The following AEBP1 variants were observed in gnomAD, a reference collection of about 807,000 sequenced individuals.
The protein encoded by AEBP1 is AE binding protein 1.
In AEBP1, 69 loss-of-function variants were observed where a neutral mutation model predicts 116.5. That is an observed-to-expected ratio of 0.59 (90% CI 0.49 to 0.72). The LOEUF is 0.72. Ranked by LOEUF, AEBP1 falls within the 30% of genes least tolerant of loss-of-function variation. The pLI is 0.00. For synonymous variants in AEBP1, 627 were observed against 627.3 expected, an observed-to-expected ratio of 1.00 and a Z score of 0.01; for missense variants, 1,444 against 1,557.5, an observed-to-expected ratio of 0.93 and a Z score of 1.23.
chr7:44,106,601 C>T lies in AEBP1; in HGVS notation c.309C>T (p.Pro103=). The T allele has an allele frequency of 6.2e-7, 1 of 1,611,610 alleles. No homozygotes were observed. The highest frequency in any genetic ancestry group is 1.7e-4 in the Middle Eastern group (1 of 6,050). The change falls in exon 2 of 21, where the codon CCC becomes CCT. Residue 103 remains proline (P), a synonymous_variant. Coordinates refer to ENST00000223357, the MANE Select transcript of AEBP1 (RefSeq NM_001129.5). Reference sequence around the variant, plus strand: ...AGAAAGGCAAGAAAGACAAAGGCCCCAAGGTGCCCAAGGAGTCCTTGGAGG... The same window carrying T: ...AGAAAGGCAAGAAAGACAAAGGCCCTAAGGTGCCCAAGGAGTCCTTGGAGG... ...KGKKGKKDKG[P]KVPKESLEGS...
Position 44,107,709 on chromosome 7 carries a change from G to A in AEBP1, c.739+9G>A. On this transcript the variant is annotated intron_variant, in intron 4 of 20. Transcript: ENST00000223357. The surrounding 1 kb of genome is among the most constrained non-coding windows in gnomAD (Gnocchi z 4.3). Reference sequence around the variant, plus strand: ...GGAGGACTATGAGGACTGTGAGTAGGGTCCTGCCAGCCCCACCTGGGTCGG... The same window carrying A: ...GGAGGACTATGAGGACTGTGAGTAGAGTCCTGCCAGCCCCACCTGGGTCGG... 1.2e-6 allele frequency: 2 copies of A among 1,613,412 alleles called. No homozygotes were observed. Among genetic ancestry groups the A allele is most frequent in the East Asian group, 4.5e-5 (2 of 44,844 alleles).
chr7:44,109,090 T>C lies in AEBP1; in HGVS notation c.1019-17T>C. 1.2e-6 allele frequency: 2 copies of C among 1,613,342 alleles called. No individual in the cohort carries two copies. ...CAGAGCCAGGCTGACTGGCCCCTCC[T>C]ACCTTGCACCTTCCAGAGAAACCCA... On this transcript the variant is annotated splice_polypyrimidine_tract_variant and intron_variant, in intron 7 of 20. Transcript: ENST00000223357.
rs1583555010 is a variant in AEBP1, at chr7:44,112,520, A to G, written c.2218-38A>G. On this transcript the variant is annotated intron_variant, in intron 17 of 20. Transcript: ENST00000223357. This position sits in a 1 kb window ranked among gnomAD's most constrained non-coding sequence, Gnocchi z 6.6. ...GGGCTAGGTTGGGGATAGTGGCCGGAGCTGCAGCCCTGGCCTCACACGTGC... is the reference window on the plus strand; with the variant it reads ...GGGCTAGGTTGGGGATAGTGGCCGGGGCTGCAGCCCTGGCCTCACACGTGC... 2 of 1,523,768 alleles carry G rather than the reference A, an allele frequency of 1.3e-6. No homozygotes were observed. The highest frequency in any genetic ancestry group is 1.3e-5 in the South Asian group (1 of 79,484). The allele number at this position is 1,523,768 out of a possible 1,614,324, so 94.4% of individuals were successfully genotyped here. A position where few individuals can be genotyped will look rare whatever the true frequency, so the allele number is the denominator to read the frequency against.
At position 44,108,520 on chromosome 7, in the gene AEBP1, C is replaced by A. The variant is rs1019546513; in HGVS notation, c.941-379C>A. On this transcript the variant is annotated intron_variant, in intron 6 of 20. Transcript: ENST00000223357. This position sits in a 1 kb window ranked among gnomAD's most constrained non-coding sequence, Gnocchi z 5.0. Reference sequence around the variant, plus strand: ...GGTTCCCTTTCCTCCTGGGTGGCAGCCCGTGCATCGCCATTTCCCTGCCCC... The same window carrying A: ...GGTTCCCTTTCCTCCTGGGTGGCAGACCGTGCATCGCCATTTCCCTGCCCC... 6.6e-6 allele frequency among the ~76,000 whole-genome samples: 1 copy of A among 152,110 alleles called. No individual in the cohort carries two copies. Among genetic ancestry groups the A allele is most frequent in the African/African-American group, 2.4e-5 (1 of 41,424 alleles).
chr7:44,104,744 A>T lies in AEBP1; in HGVS notation c.79A>T (p.Thr27Ser), dbSNP rs564360927. The change falls in exon 1 of 21, where the codon ACG becomes TCG. Residue 27 changes from threonine (T) to serine (S), a missense_variant. Physicochemically the swap from Thr to Ser is moderately conservative, Grantham distance 58 (BLOSUM62 1). Transcript: ENST00000223357. ...LALCPGGRPQTVLTDDEIEEF... is the reference protein window; with the variant it reads ...LALCPGGRPQSVLTDDEIEEF... ...CCTGTGCCCTGGAGGGCGCCCGCAG[A>T]CGGTGCTGACCGACGACGAGATCGA... 4 of 1,611,276 alleles carry T rather than the reference A, an allele frequency of 2.5e-6. No individual in the cohort carries two copies. The African/African-American group carries it at 4.0e-5, about 16-fold the overall frequency.
chr7:44,107,078 G>T lies in AEBP1; in HGVS notation c.595+191G>T, dbSNP rs907116491. ...CCCTCAGTGCTGTAGCCTCTTTTGG[G>T]TAGGGAGAGGGCTTGGCAGCCTTTT... is the stretch of plus-strand genomic sequence containing the variant. On this transcript the variant is annotated intron_variant, in intron 2 of 20. Transcript: ENST00000223357. This position sits in a 1 kb window ranked among gnomAD's most constrained non-coding sequence, Gnocchi z 4.3. 6.6e-6 allele frequency among the ~76,000 whole-genome samples: 1 copy of T among 152,246 alleles called. No homozygotes were observed. The highest frequency in any genetic ancestry group is 2.4e-5 in the African/African-American group (1 of 41,468).
rs760520066 is a variant in AEBP1, at chr7:44,109,293, C to G, written c.1102C>G (p.Arg368Gly). The G allele has an allele frequency of 4.4e-6, 7 of 1,605,180 alleles. No individual in the cohort carries two copies. The South Asian group carries it at 7.7e-5, about 18-fold the overall frequency. The change falls in exon 9 of 21, where the codon CGA becomes GGA. Residue 368 changes from arginine (R) to glycine (G), a missense_variant. Physicochemically the swap from Arg to Gly is moderately radical, Grantham distance 125 (BLOSUM62 -2). Transcript: ENST00000223357. ...VEKGKDHKEP[R>G]KGEELEEEWT... ...CCTCCCTTCATTGTCCCTAGAGCCCCGAAAGGGCGAGGAGTTGGAGGAGGA... is the reference window on the plus strand; with the variant it reads ...CCTCCCTTCATTGTCCCTAGAGCCCGGAAAGGGCGAGGAGTTGGAGGAGGA...
Position 44,113,804 on chromosome 7 carries a change from C to T in AEBP1, c.3020C>T (p.Pro1007Leu), listed in dbSNP as rs2096233070. 2 of 1,614,070 alleles carry T rather than the reference C, an allele frequency of 1.2e-6. No homozygotes were observed. Among genetic ancestry groups the T allele is most frequent in the South Asian group, 1.1e-5 (1 of 91,086 alleles). The change falls in exon 21 of 21, where the codon CCA (proline) becomes CTA (leucine). Residue 1007 changes from proline (P) to leucine (L), a missense_variant. Pro to Leu is a moderately conservative substitution (Grantham distance 98). Transcript: ENST00000223357. The surrounding 1 kb of genome is among the most constrained non-coding windows in gnomAD (Gnocchi z 5.3). ...NGNRPIPHID[P>L]SRPMTPQQRR... ...AACCGGCCTATCCCACACATAGACC[C>T]ATCGCGCCCTATGACCCCCCAACAG...
At position 44,106,726 on chromosome 7, in the gene AEBP1, A is replaced by T; in HGVS notation, c.434A>T (p.Lys145Met). ...AAGGCCACCAAGAAGCCCAAGGAGA[A>T]GCCACCCAAGGCCACCAAGAAGCCC... ...PPKATKKPKE[K>M]PPKATKKPKE... Residue 145 changes from lysine to methionine, a missense_variant, in exon 2 of 21, where the codon AAG becomes ATG. Physicochemically the swap from Lys to Met is moderately conservative, Grantham distance 95. Transcript: ENST00000223357. The T allele has an allele frequency of 6.2e-7, 1 of 1,611,966 alleles. No individual in the cohort carries two copies. Among genetic ancestry groups the T allele is most frequent in the South Asian group, 1.1e-5 (1 of 90,892 alleles).
Position 44,114,275 on chromosome 7 carries a change from C to T in AEBP1, c.*14C>T. The stretch of plus-strand genomic sequence containing the variant: ...GGGGACTTCTGAGATCAGCGTCCTA[C>T]CAAGACCCCAGCCCAACTCAAGCTA... On this transcript the variant is annotated 3_prime_UTR_variant, in exon 21 of 21. Transcript: ENST00000223357. The T allele has an allele frequency of 6.2e-7, 1 of 1,611,930 alleles. No individual in the cohort carries two copies. The highest frequency in any genetic ancestry group is 8.5e-7 in the Non-Finnish European group (1 of 1,178,238).
At chr7:44,109,890 G>C in intron 9 of AEBP1, 125 bp from the exon 10 acceptor site, 1 of 847,946 alleles carries the variant, frequency 1.2e-6, no homozygotes, top group Non-Finnish European at 1.8e-6. Flanking sequence ...GCCACCAGCT[G>C]ACCAGAGCTG....
At position 44,110,992 on chromosome 7, in the gene AEBP1, T is replaced by C. The variant is rs540181925; in HGVS notation, c.1565T>C (p.Ile522Thr). ...PEPVVARFIRIYPLTWNGSLC... is the reference protein window; with the variant it reads ...PEPVVARFIRTYPLTWNGSLC... ...CCGGTGGTGGCTCGTTTCATCCGCA[T>C]CTACCCACTCACCTGGAATGGCAGC... The change falls in exon 13 of 21, where the codon ATC (isoleucine) becomes ACC (threonine). Residue 522 changes from isoleucine to threonine, a missense_variant. Ile to Thr is a moderately conservative substitution (Grantham distance 89). Coordinates refer to ENST00000223357, the MANE Select transcript of AEBP1 (RefSeq NM_001129.5). 6.2e-7 allele frequency: 1 copy of C among 1,613,860 alleles called. No homozygotes were observed. Among genetic ancestry groups the C allele is most frequent in the Admixed American group, 1.7e-5 (1 of 60,010 alleles).
Position 44,114,249 on chromosome 7 carries a change from T to C in AEBP1, c.3465T>C (p.Phe1155=), listed in dbSNP as rs113791881. The stretch of plus-strand genomic sequence containing the variant: ...CAGTAGAGACCTACACAGTGAACTT[T>C]GGGGACTTCTGAGATCAGCGTCCTA... ...FTTVETYTVN[F]GDF is the part of the protein sequence containing the mutation. Residue 1155 remains phenylalanine (F), a synonymous_variant, in exon 21 of 21, where the codon TTT becomes TTC. Transcript: ENST00000223357. The C allele has an allele frequency of 1.1e-3, 1,723 of 1,613,698 alleles. 12 individuals are homozygous for C. In the African/African-American group the frequency reaches 0.02, roughly 19 times the overall value.
At position 44,112,605 on chromosome 7, in the gene AEBP1, C is replaced by T. The variant is rs1301799437; in HGVS notation, c.2265C>T (p.Pro755=). The change falls in exon 18 of 21, where the codon CCC becomes CCT. Residue 755 remains proline, a synonymous_variant. Coordinates refer to ENST00000223357, the MANE Select transcript of AEBP1 (RefSeq NM_001129.5). The surrounding 1 kb of genome is among the most constrained non-coding windows in gnomAD (Gnocchi z 6.6). ...RAIIAWMEKN[P]FVLGANLNGG... ...TCATTGCCTGGATGGAGAAGAACCCCTTCGTGCTGGGAGCAAATCTGAACG... is the reference window on the plus strand; with the variant it reads ...TCATTGCCTGGATGGAGAAGAACCCTTTCGTGCTGGGAGCAAATCTGAACG... 7 of 1,607,654 alleles carry T rather than the reference C, an allele frequency of 4.4e-6. No homozygotes were observed. In the Admixed American group the frequency reaches 6.7e-5, roughly 15 times the overall value.
rs2096223253 is a variant in AEBP1 at position 44,106,705 on chromosome 7, C to A, written c.413C>A (p.Ala138Asp). The A allele has an allele frequency of 3.7e-6, 6 of 1,612,838 alleles. No individual in the cohort carries two copies. The highest frequency in any genetic ancestry group is 5.1e-6 in the Non-Finnish European group (6 of 1,179,786). ...TKKPKEKPPKATKKPKEKPPK... is the reference protein window; with the variant it reads ...TKKPKEKPPKDTKKPKEKPPK... ...AAGCCCAAGGAGAAGCCACCTAAGG[C>A]CACCAAGAAGCCCAAGGAGAAGCCA... The change falls in exon 2 of 21, where the codon GCC (alanine) becomes GAC (aspartate). Residue 138 changes from alanine to aspartate, a missense_variant. By Grantham distance (126) the Ala-to-Asp change is moderately radical. Coordinates refer to ENST00000223357, the MANE Select transcript of AEBP1 (RefSeq NM_001129.5).
Position 44,113,914 on chromosome 7 carries a change from C to T in AEBP1, c.3130C>T (p.Leu1044=), listed in dbSNP as rs2096233357. The change falls in exon 21 of 21, where the codon CTA becomes TTA. Residue 1044 remains leucine, a synonymous_variant. Coordinates refer to ENST00000223357, the MANE Select transcript of AEBP1 (RefSeq NM_001129.5). The surrounding 1 kb of genome is among the most constrained non-coding windows in gnomAD (Gnocchi z 5.3). ...RLRRLNATTT[L]GPHTVPPTLP... ...GCGGCGCCTCAACGCCACCACCACC[C>T]TAGGCCCCCACACTGTGCCTCCCAC... The T allele has an allele frequency of 6.2e-7, 1 of 1,613,582 alleles. No homozygotes were observed.
At position 44,111,198 on chromosome 7, in the gene AEBP1, G is replaced by T; in HGVS notation, c.1675G>T (p.Asp559Tyr). ...ACAGAATGAGGTGGTGGCCACCGAT[G>T]ACCTGGATTTCCGGCACCACAGCTA... ...YAQNEVVATD[D>Y]LDFRHHSYKD... Residue 559 changes from aspartate (D) to tyrosine (Y), a missense_variant, in exon 14 of 21, where the codon GAC becomes TAC. Transcript: ENST00000223357. This position sits in a 1 kb window ranked among gnomAD's most constrained non-coding sequence, Gnocchi z 4.7. 1 of 1,515,512 alleles carries T rather than the reference G, an allele frequency of 6.6e-7. No individual in the cohort carries two copies. The highest frequency in any genetic ancestry group is 8.8e-7 in the Non-Finnish European group (1 of 1,131,010). The allele number at this position is 1,515,512 out of a possible 1,614,324, so 93.9% of individuals were successfully genotyped here.
chr7:44,112,551 A>G lies in AEBP1; in HGVS notation c.2218-7A>G, dbSNP rs1562688502. ...AGCCCTGGCCTCACACGTGCTGGCC[A>G]CTCCAGGTATCCACGGAGGTCCGGG... On this transcript the variant is annotated splice_polypyrimidine_tract_variant and splice_region_variant and intron_variant, in intron 17 of 20. Transcript: ENST00000223357. This position sits in a 1 kb window ranked among gnomAD's most constrained non-coding sequence, Gnocchi z 6.6. 1.3e-6 allele frequency: 2 copies of G among 1,570,622 alleles called. No homozygotes were observed. Among genetic ancestry groups the G allele is most frequent in the Non-Finnish European group, 8.7e-7 (1 of 1,153,798 alleles).
At position 44,110,350 on chromosome 7, in the gene AEBP1, C is replaced by A; in HGVS notation, c.1400+4C>A. The A allele has an allele frequency of 2.5e-6, 4 of 1,613,606 alleles. No homozygotes were observed. Among genetic ancestry groups the A allele is most frequent in the Non-Finnish European group, 3.4e-6 (4 of 1,179,976 alleles). ...AGGGCAGAGACTCCAGCATCCAGTG[C>A]GTGGCCAGGCTCATGGATAGTTGGC... On this transcript the variant is annotated splice_donor_region_variant and intron_variant, in intron 11 of 20. Coordinates refer to ENST00000223357, the MANE Select transcript of AEBP1 (RefSeq NM_001129.5).
Sources: gnomAD v4.1 joint callset for allele counts (sites outside exome capture counted in the v4.1 genomes callset) on GRCh38, gnomAD v4.1.1 for gene constraint, Gnocchi (gnomAD v3.1) non-coding constraint, MANE v1.5 for transcripts, NCBI Gene and HGNC (gene_info 2026-07-23, HGNC 2026-07-21) for gene names.